Variants in AGO1 observed in about 807,000 individuals in gnomAD.
AGO1 encodes argonaute RISC component 1, also known as protein argonaute-1.
A neutral mutation model predicts 109.2 loss-of-function variants in AGO1; 11 were observed. The ratio of observed to expected loss-of-function variants is 0.10; its 90% confidence interval spans 0.06 to 0.17. The LOEUF is 0.17. AGO1 is among the 10% of genes least tolerant of loss of function. AGO1 has a pLI of 1.00. For synonymous variants in AGO1, 422 were observed against 418.6 expected, an observed-to-expected ratio of 1.01 and a Z score of -0.10; for missense variants, 574 against 1,140.3, an observed-to-expected ratio of 0.50 and a Z score of 7.15.
intron 12 of AGO1, among the ~76,000 whole-genome samples, chr1:35,911,367 C>G (rs1645629744): frequency 6.6e-6 from 1 of 152,112 alleles, no homozygotes; most frequent in Admixed American, 6.5e-5. Flanking sequence ...CTAAACAGAG[C>G]AAAAACTGTT....
rs374752894 is a variant in AGO1 at position 35,919,272 on chromosome 1, G to A, written c.2465+18G>A. The A allele has an allele frequency of 3.9e-4, 628 of 1,609,102 alleles. No individual in the cohort carries two copies. Among genetic ancestry groups the A allele is most frequent in the Non-Finnish European group, 4.7e-4 (553 of 1,177,808 alleles). ...CATGACAGGTGAGGCCTGGGATCAG[G>A]TTGGCCTCCTTTTTGCTTCAGCCTA... is the stretch of plus-strand genomic sequence containing the variant. On this transcript the variant is annotated intron_variant, in intron 18 of 18. Coordinates refer to ENST00000373204, the MANE Select transcript of AGO1 (RefSeq NM_012199.5). This position sits in a 1 kb window ranked among gnomAD's most constrained non-coding sequence, Gnocchi z 6.6.
At position 35,909,069 on chromosome 1, in the gene AGO1, C is replaced by T. The variant is rs149009181; in HGVS notation, c.1582+1950C>T. 0.013 allele frequency among the ~76,000 whole-genome samples: 1,946 copies of T among 149,780 alleles called. 140 individuals are homozygous for T. In the East Asian group the frequency reaches 0.22, roughly 17 times the overall value. On this transcript the variant is annotated intron_variant, in intron 12 of 18. Coordinates refer to ENST00000373204, the MANE Select transcript of AGO1 (RefSeq NM_012199.5). ...CTGACCTCAAGTGATCTGCCCGCCT[C>T]GGCCTCCCAAAGTGCTGGGATTACA...
intron 15 of AGO1, among the ~76,000 whole-genome samples, chr1:35,915,837 G>T (rs772507997): frequency 1.3e-5 from 2 of 152,196 alleles, no homozygotes; most frequent in Admixed American, 1.3e-4. Flanking sequence ...ATCGCCTGGA[G>T]GGCTTGTTAA....
chr1:35,899,884 A>T (rs1022831702), intron 8 of AGO1, among the ~76,000 whole-genome samples: 5 of 152,184 alleles, frequency 3.3e-5, no homozygotes, highest in Non-Finnish European at 2.9e-5. Flanking sequence ...GAAGATTCTC[A>T]GAGTGGTTAA....
chr1:35,902,520 A>G (rs1250059418), intron 11 of AGO1, among the ~76,000 whole-genome samples, 183 bp downstream of exon 11: 1 of 152,208 alleles, frequency 6.6e-6, no homozygotes, highest in Non-Finnish European at 1.5e-5. Flanking sequence ...AGGGGAAGTT[A>G]ATAAGGAGCC....
intron 14 of AGO1, among the ~76,000 whole-genome samples, chr1:35,914,709 T>C (rs929027109): frequency 4.6e-5 from 7 of 152,232 alleles, no homozygotes; most frequent in Admixed American, 4.6e-4. Flanking sequence ...GCTCTTTGTC[T>C]CTTAGGGGCT....
intron 8 of AGO1, among the ~76,000 whole-genome samples, chr1:35,896,689 C>T (rs1405834484): frequency 6.6e-6 from 1 of 152,140 alleles, no homozygotes; most frequent in Non-Finnish European, 1.5e-5. Context: ...CAGCAGAAGT[C>T]AGATAGCCCA....
chr1:35,878,471 T>C (rs1017334967), upstream of AGO1, among the ~76,000 whole-genome samples: 4 of 152,202 alleles, frequency 2.6e-5, no homozygotes, highest in African/African-American at 7.2e-5. Context: ...AGCACTGATA[T>C]ATGTATTTGT....
rs1317848508 is a variant in AGO1, at chr1:35,926,168, G to T, written c.*6561G>T. On this transcript the variant is annotated 3_prime_UTR_variant, in exon 19 of 19. Coordinates refer to ENST00000373204, the MANE Select transcript of AGO1 (RefSeq NM_012199.5). ...GAACTTAGCAGGGGGAATAGGAGGA[G>T]GATGATTATGGCAAATTTTGCTATA... is the stretch of plus-strand genomic sequence containing the variant. 1.3e-5 allele frequency: 2 copies of T among 152,162 alleles called. No individual in the cohort carries two copies. The highest frequency in any genetic ancestry group is 4.8e-5 in the African/African-American group (2 of 41,420). The allele number at this position is 152,162 out of a possible 1,614,324, so 9.4% of individuals were successfully genotyped here. A position where few individuals can be genotyped will look rare whatever the true frequency, so the allele number is the denominator to read the frequency against.
At chr1:35,911,235 A>C (rs1474561218) in intron 12 of AGO1, among the ~76,000 whole-genome samples, 3 of 152,170 alleles carry the variant, frequency 2.0e-5, no homozygotes, top group Admixed American at 6.5e-5. Context: ...ATCCTTATCA[A>C]ACTTGGTATC....
intron 1 of AGO1, among the ~76,000 whole-genome samples, chr1:35,886,134 G>T (rs925980278): frequency 6.6e-6 from 1 of 152,092 alleles, no homozygotes; most frequent in Non-Finnish European, 1.5e-5. Flanking sequence ...CCTTTTCAGG[G>T]CCCCTCCCTC....
intron 1 of AGO1, among the ~76,000 whole-genome samples, chr1:35,887,060 T>A (rs1486842699): frequency 6.6e-6 from 1 of 152,146 alleles, no homozygotes; most frequent in Non-Finnish European, 1.5e-5. Context: ...AGTAGATAGG[T>A]TTTCCCTTCC....
intron 12 of AGO1, among the ~76,000 whole-genome samples, chr1:35,911,470 T>C (rs1645631495): frequency 6.6e-6 from 1 of 152,180 alleles, no homozygotes; most frequent in African/African-American, 2.4e-5. Context: ...TAAAAGCAAC[T>C]GCAGAAGATA....
upstream of AGO1, among the ~76,000 whole-genome samples, chr1:35,879,240 A>G (rs376141474): frequency 3.3e-5 from 5 of 152,246 alleles, no homozygotes; most frequent in East Asian, 9.7e-4. Context: ...ACCTGAGGTC[A>G]GAAGTTTGGA....
At chr1:35,887,307 C>T (rs1645136645) in intron 1 of AGO1, among the ~76,000 whole-genome samples, 2 of 152,180 alleles carry the variant, frequency 1.3e-5, no homozygotes, top group African/African-American at 4.8e-5. Context: ...AGGTTCTGGG[C>T]TGGTTTATCC....
intron 11 of AGO1, among the ~76,000 whole-genome samples, chr1:35,906,078 CTTTATGTAGCTTGAT>C (rs564216136): frequency 3.3e-5 from 5 of 152,226 alleles, no homozygotes; most frequent in African/African-American, 1.2e-4. Context: ...TTTTGAGTAT[CTTTATGTAGCTTGAT>C]TTTTTTACTC....
rs901645401 is a variant in AGO1 at position 35,893,958 on chromosome 1, A to C, written c.650-79A>C. ...CCCCCATCCCAATGCCCTTTAAGGAAGAGGGTATAAATTGCTGTGCCTCCA... is the reference window on the plus strand; with the variant it reads ...CCCCCATCCCAATGCCCTTTAAGGACGAGGGTATAAATTGCTGTGCCTCCA... On this transcript the variant is annotated intron_variant, in intron 5 of 18. Transcript: ENST00000373204. This position sits in a 1 kb window ranked among gnomAD's most constrained non-coding sequence, Gnocchi z 5.6. 7 of 1,522,490 alleles carry C rather than the reference A, an allele frequency of 4.6e-6. No homozygotes were observed. In the African/African-American group the frequency reaches 9.7e-5, roughly 21 times the overall value. The allele number at this position is 1,522,490 out of a possible 1,614,324, so 94.3% of individuals were successfully genotyped here. A position where few individuals can be genotyped will look rare whatever the true frequency, so the allele number is the denominator to read the frequency against.
chr1:35,884,711 A>C (rs986291453), intron 1 of AGO1, among the ~76,000 whole-genome samples: 3 of 152,136 alleles, frequency 2.0e-5, no homozygotes, highest in Non-Finnish European at 4.4e-5. Context: ...TCTTATTTGC[A>C]GGCAATGAGG....
At chr1:35,908,739 A>G (rs1645575130) in intron 12 of AGO1, among the ~76,000 whole-genome samples, 3 of 147,798 alleles carry the variant, frequency 2.0e-5, no homozygotes, top group South Asian at 2.1e-4. Flanking sequence ...CTTCACCTTC[A>G]TTGTTCTTCT....
Sources: gnomAD v4.1 joint callset for allele counts (sites outside exome capture counted in the v4.1 genomes callset) on GRCh38, gnomAD v4.1.1 for gene constraint, Gnocchi (gnomAD v3.1) non-coding constraint, MANE v1.5 for transcripts, NCBI Gene and HGNC (gene_info 2026-07-23, HGNC 2026-07-21) for gene names.